Variants in FAM227B observed in about 807,000 individuals in gnomAD.
FAM227B encodes the protein protein FAM227B.
In FAM227B, 88 loss-of-function variants were observed where a neutral mutation model predicts 73.8. The ratio of observed to expected loss-of-function variants is 1.19; its 90% CI spans 1.00 to 1.42. The LOEUF is 1.42. Among genes scored for constraint, FAM227B ranks in the 40% most tolerant of loss-of-function variants. The pLI is 0.00. For synonymous variants in FAM227B, 210 were observed against 190.5 expected, an observed-to-expected ratio of 1.10 and a Z score of -0.84; for missense variants, 632 against 590.9, an observed-to-expected ratio of 1.07 and a Z score of -0.72.
chr15:49,338,274 T>C lies in FAM227B; in HGVS notation c.1272-2778A>G, dbSNP rs140001377. On this transcript the variant is annotated intron_variant, in intron 13 of 15. Transcript: ENST00000299338. ...TTTTTGCAGTGCCTGGTACCGGTTG[T>C]TCCTTTCCATGTTTAGTGCTTCTTT... Among the ~76,000 whole-genome samples the C allele has an allele frequency of 2.6e-4, 40 of 152,348 alleles. No individual in the cohort carries two copies. In the East Asian group the frequency reaches 7.7e-3, roughly 29 times the overall value.
chr15:49,468,834 C>T (rs2054488517), intron 11 of FAM227B, among the ~76,000 whole-genome samples: 1 of 152,096 alleles, frequency 6.6e-6, no homozygotes, highest in Admixed American at 6.5e-5. Flanking sequence ...GGTTTGTCTT[C>T]CGTGTTAAGC....
intron 11 of FAM227B, among the ~76,000 whole-genome samples, chr15:49,391,064 A>G (rs2151570644): frequency 6.6e-6 from 1 of 152,220 alleles, no homozygotes; most frequent in South Asian, 2.1e-4. Context: ...TTCATTTGTA[A>G]AAGTGAGGAG....
intron 5 of FAM227B, among the ~76,000 whole-genome samples, chr15:49,587,557 C>T (rs2076244130): frequency 6.6e-6 from 1 of 151,970 alleles, no homozygotes; most frequent in African/African-American, 2.4e-5. Context: ...TTTTCTAGCT[C>T]TAACATTATA....
At chr15:49,355,391 C>T (rs1238957030) in intron 13 of FAM227B, among the ~76,000 whole-genome samples, 2 of 152,074 alleles carry the variant, frequency 1.3e-5, no homozygotes, top group Non-Finnish European at 2.9e-5. Flanking sequence ...AGAGAACTGC[C>T]TAAAGGAGCT....
intron 11 of FAM227B, among the ~76,000 whole-genome samples, chr15:49,390,027 T>A (rs2047111904): frequency 6.6e-6 from 1 of 152,074 alleles, no homozygotes; most frequent in Non-Finnish European, 1.5e-5. Context: ...AATATTCACC[T>A]TTTCATCCTT....
chr15:49,444,222 T>G (rs183211963), intron 11 of FAM227B, among the ~76,000 whole-genome samples: 50 of 151,794 alleles, frequency 3.3e-4, no homozygotes, highest in Admixed American at 2.4e-3. Context: ...TAAGGATTTA[T>G]GATTGCTCTC....
intron 2 of FAM227B, among the ~76,000 whole-genome samples, chr15:49,613,903 G>A (rs1020532448): frequency 2.6e-5 from 4 of 152,092 alleles, no homozygotes; most frequent in African/African-American, 9.7e-5. Context: ...TGAGAGATAT[G>A]AGAGATGGTG....
At chr15:49,494,188 A>G (rs2057378849) in intron 11 of FAM227B, among the ~76,000 whole-genome samples, 1 of 151,858 alleles carries the variant, frequency 6.6e-6, no homozygotes, top group African/African-American at 2.4e-5. Flanking sequence ...AGTCTTAAAT[A>G]TAAATATGCA....
At chr15:49,490,510 G>A (rs1289956859) in intron 11 of FAM227B, among the ~76,000 whole-genome samples, 1 of 151,886 alleles carries the variant, frequency 6.6e-6, no homozygotes, top group African/African-American at 2.4e-5. Flanking sequence ...GCTTAATTAG[G>A]TGGGCAAAAC....
chr15:49,395,583 T>G (rs1036546427), intron 11 of FAM227B, among the ~76,000 whole-genome samples: 16 of 152,198 alleles, frequency 1.1e-4, no homozygotes, highest in Non-Finnish European at 5.9e-5. Context: ...TGGACAATTA[T>G]GCAGGCAGTT....
chr15:49,550,022 A>C (rs1267070847), intron 9 of FAM227B, among the ~76,000 whole-genome samples: 1 of 101,064 alleles, frequency 9.9e-6, no homozygotes, highest in Non-Finnish European at 2.1e-5. Context: ...TGACCCCCCC[A>C]CCTCCCTCCC....
chr15:49,443,183 G>C (rs1468498279), intron 11 of FAM227B, among the ~76,000 whole-genome samples: 1 of 151,362 alleles, frequency 6.6e-6, no homozygotes, highest in Non-Finnish European at 1.5e-5. Context: ...ATTAAATACA[G>C]CCATTATTAA....
At chr15:49,335,664 A>G (rs2039581694) in intron 13 of FAM227B, among the ~76,000 whole-genome samples, 168 bp from the exon 14 acceptor site, 1 of 152,228 alleles carries the variant, frequency 6.6e-6, no homozygotes, top group South Asian at 2.1e-4. Flanking sequence ...AGAGGACTGA[A>G]AGAAGAAAAC....
At chr15:49,509,882 A>T (rs72729137) in intron 10 of FAM227B, among the ~76,000 whole-genome samples, 8,274 of 152,250 alleles carry the variant, frequency 0.054, 326 homozygotes, top group East Asian at 0.12. Flanking sequence ...ATTATTTGGT[A>T]ACTTACATAT....
chr15:49,604,536 GTCTTAA>G (rs1350366742), intron 3 of FAM227B, among the ~76,000 whole-genome samples: 2 of 151,930 alleles, frequency 1.3e-5, no homozygotes, highest in Admixed American at 6.5e-5. Context: ...TTTCTTCTTT[GTCTTAA>G]TCTATCTGGA....
intron 11 of FAM227B, among the ~76,000 whole-genome samples, chr15:49,478,797 G>T (rs1756972023): frequency 1.3e-5 from 2 of 152,040 alleles, no homozygotes; most frequent in South Asian, 4.2e-4. Context: ...AGATTGGTGG[G>T]CATGGATTCT....
chr15:49,463,017 A>G (rs1311266260), intron 11 of FAM227B, among the ~76,000 whole-genome samples: 1 of 152,202 alleles, frequency 6.6e-6, no homozygotes, highest in Non-Finnish European at 1.5e-5. Flanking sequence ...TGTGTCTTAA[A>G]TCACTCAAAA....
chr15:49,579,808 T>C (rs1405105857), intron 5 of FAM227B, among the ~76,000 whole-genome samples: 1 of 152,142 alleles, frequency 6.6e-6, no homozygotes, highest in Non-Finnish European at 1.5e-5. Flanking sequence ...GAAATGTTCC[T>C]GACACAAAAA....
chr15:49,579,608 G>A (rs950064531), intron 5 of FAM227B, among the ~76,000 whole-genome samples: 2 of 152,162 alleles, frequency 1.3e-5, no homozygotes, highest in African/African-American at 4.8e-5. Context: ...GAGGTATAGA[G>A]TAGAATGGTG....
Sources: gnomAD v4.1 joint callset for allele counts (sites outside exome capture counted in the v4.1 genomes callset) on GRCh38, gnomAD v4.1.1 for gene constraint, MANE v1.5 for transcripts, NCBI Gene and HGNC (gene_info 2026-07-23, HGNC 2026-07-21) for gene names.